FERMT2: variants seen among roughly 807,000 people sequenced by gnomAD.
FERMT2 encodes FERM domain containing kindlin 2, also known as fermitin family homolog 2.
A neutral mutation model predicts 82.7 loss-of-function variants in FERMT2; 15 were observed. The ratio of observed to expected loss-of-function variants is 0.18; its 90% CI spans 0.12 to 0.28. The LOEUF (loss-of-function observed/expected upper bound fraction) is 0.28. Among genes scored for constraint, FERMT2 ranks in the 10% least tolerant of loss-of-function variants. FERMT2 has a pLI of 1.00. For synonymous variants in FERMT2, 274 were observed against 271.5 expected (o/e 1.01, Z -0.09); for missense variants, 645 against 809.4 (o/e 0.80, Z 2.46).
chr14:52,857,684 AACTTT>A lies in FERMT2; in HGVS notation c.*688_*692del, dbSNP rs1222560568. The A allele has an allele frequency of 9.8e-5, 15 of 152,654 alleles. No individual in the cohort carries two copies. The highest frequency in any genetic ancestry group is 1.6e-4 in the Non-Finnish European group (11 of 68,034). 9.5% of individuals were successfully genotyped at this position (152,654 alleles called of 1,614,324 possible). ...GTTACACAAAATGCATACTTCATAGAACTTTACTTCATATTGTAATGCAAAGAGTT... is the reference window on the plus strand; with the variant it reads ...GTTACACAAAATGCATACTTCATAGAACTTCATATTGTAATGCAAAGAGTT... On this transcript the variant is annotated 3_prime_UTR_variant, in exon 15 of 15. Coordinates refer to ENST00000341590, the MANE Select transcript of FERMT2 (RefSeq NM_006832.3).
chr14:52,858,702 T>G, intron 14 of FERMT2, 152 bp from the exon 15 acceptor site: 1 of 619,644 alleles, frequency 1.6e-6, no homozygotes, highest in South Asian at 2.6e-5. Flanking sequence ...GAATAATGCC[T>G]TTAAGTCCCA....
intron 3 of FERMT2, among the ~76,000 whole-genome samples, chr14:52,897,208 T>C (rs1263220775): frequency 6.6e-6 from 1 of 152,194 alleles, no homozygotes; most frequent in African/African-American, 2.4e-5. Flanking sequence ...CTGCATAATA[T>C]TCTATGTAAA....
At chr14:52,881,696 T>A in intron 4 of FERMT2, 1 of 1,142,212 alleles carries the variant, frequency 8.8e-7, no homozygotes, top group Non-Finnish European at 1.2e-6. Context: ...TTGGCAGAAA[T>A]TCTGGGGAAA....
chr14:52,926,182 A>C (rs1388655615), intron 2 of FERMT2, among the ~76,000 whole-genome samples: 2 of 152,230 alleles, frequency 1.3e-5, no homozygotes, highest in Non-Finnish European at 2.9e-5. Flanking sequence ...GCAAATGAAA[A>C]TACTACTGTA....
chr14:52,950,473 G>GGTGACATCGCGGTTCAGGTCC lies in FERMT2; in HGVS notation c.75_95dup (p.Asp26_Thr32dup), dbSNP rs1179620270. On this transcript the variant is annotated inframe_insertion, in exon 2 of 15. Transcript: ENST00000341590. ...TGTGCACCTCGCCGGTCACTCTCAGGGTGACATCGCGGTTCAGGTCCGTCA... is the reference window on the plus strand; with the variant it reads ...TGTGCACCTCGCCGGTCACTCTCAGGGTGACATCGCGGTTCAGGTCCGTGACATCGCGGTTCAGGTCCGTCA... 6.2e-7 allele frequency: 1 copy of GGTGACATCGCGGTTCAGGTCC among 1,614,016 alleles called. No individual in the cohort carries two copies. The highest frequency in any genetic ancestry group is 8.5e-7 in the Non-Finnish European group (1 of 1,179,954).
intron 2 of FERMT2, among the ~76,000 whole-genome samples, chr14:52,946,729 G>T (rs916322011): frequency 6.6e-6 from 1 of 152,050 alleles, no homozygotes; most frequent in African/African-American, 2.4e-5. Context: ...CTTAGGCTGG[G>T]TGGTGTGATT....
intron 7 of FERMT2, among the ~76,000 whole-genome samples, chr14:52,875,979 T>C (rs1327753284): frequency 1.3e-5 from 2 of 152,200 alleles, no homozygotes; most frequent in Non-Finnish European, 2.9e-5. Context: ...ACTACTCATA[T>C]GTAGACAGGA....
chr14:52,918,875 A>T (rs1888779462), intron 3 of FERMT2, among the ~76,000 whole-genome samples: 1 of 152,226 alleles, frequency 6.6e-6, no homozygotes, highest in South Asian at 2.1e-4. Flanking sequence ...TAACCTCTCC[A>T]TAAAAATAAA....
At chr14:52,934,364 GTTAC>G (rs1460431323) in intron 2 of FERMT2, among the ~76,000 whole-genome samples, 1 of 152,176 alleles carries the variant, frequency 6.6e-6, no homozygotes, top group African/African-American at 2.4e-5. Context: ...ATTGAGAAGT[GTTAC>G]TTTTCTTTGT....
chr14:52,859,861 A>G, intron 13 of FERMT2, 147 bp from the exon 14 acceptor site: 1 of 436,674 alleles, frequency 2.3e-6, no homozygotes, highest in East Asian at 3.8e-5. Context: ...TCTGTTGCCC[A>G]GGCTGGAGTG....
At chr14:52,950,612 C>G in intron 1 of FERMT2, 35 bp from the exon 2 acceptor site, 1 of 1,602,604 alleles carries the variant, frequency 6.2e-7, no homozygotes, top group Admixed American at 1.7e-5. Context: ...TCGTAAGCGT[C>G]ACTCCCCCAA....
intron 3 of FERMT2, among the ~76,000 whole-genome samples, chr14:52,915,725 T>C (rs1888578682): frequency 6.6e-6 from 1 of 152,040 alleles, no homozygotes; most frequent in African/African-American, 2.4e-5. Context: ...TTTTAAACAA[T>C]ACCCCACAAA....
chr14:52,942,931 G>A (rs1489000375), intron 2 of FERMT2, among the ~76,000 whole-genome samples: 1 of 152,138 alleles, frequency 6.6e-6, no homozygotes, highest in Non-Finnish European at 1.5e-5. Flanking sequence ...TATCACTCTT[G>A]GCCAGGCGTG....
intron 2 of FERMT2, among the ~76,000 whole-genome samples, chr14:52,947,267 T>TA (rs900933108): frequency 6.6e-6 from 1 of 152,128 alleles, no homozygotes; most frequent in African/African-American, 2.4e-5. Flanking sequence ...ATGACGAGGT[T>TA]AGGAGATCAA....
intron 2 of FERMT2, among the ~76,000 whole-genome samples, chr14:52,927,683 C>T (rs1028147771): frequency 6.7e-6 from 1 of 149,756 alleles, no homozygotes; most frequent in Non-Finnish European, 1.5e-5. Context: ...GTGGGAGGAC[C>T]CCTTGACTCT....
At chr14:52,928,644 T>C (rs1455471366) in intron 2 of FERMT2, among the ~76,000 whole-genome samples, 1 of 152,206 alleles carries the variant, frequency 6.6e-6, no homozygotes, top group Non-Finnish European at 1.5e-5. Flanking sequence ...CAAGACACCC[T>C]TGGGGAAACC....
At chr14:52,869,785 A>G (rs549053355) in intron 10 of FERMT2, among the ~76,000 whole-genome samples, 6 of 152,294 alleles carry the variant, frequency 3.9e-5, no homozygotes, top group African/African-American at 1.4e-4. Context: ...GTATTCCAGA[A>G]GAAGGCATTG....
intron 12 of FERMT2, chr14:52,862,020 C>T (rs1423092927): frequency 6.6e-6 from 1 of 152,136 alleles, no homozygotes; most frequent in Non-Finnish European, 1.5e-5. Flanking sequence ...AATGTCACTA[C>T]TTACTAGGCA....
At chr14:52,887,472 A>G (rs187353507) in intron 4 of FERMT2, among the ~76,000 whole-genome samples, 1 of 151,796 alleles carries the variant, frequency 6.6e-6, no homozygotes, top group Admixed American at 6.6e-5. Context: ...ACATAGCAAG[A>G]CCCTGTCCCT....
Sources: gnomAD v4.1 joint callset for allele counts (sites outside exome capture counted in the v4.1 genomes callset) on GRCh38, gnomAD v4.1.1 for gene constraint, MANE v1.5 for transcripts, NCBI Gene and HGNC (gene_info 2026-07-23, HGNC 2026-07-21) for gene names.